Variants in CAMSAP1 observed in about 807,000 individuals in gnomAD.
The protein encoded by CAMSAP1 is calmodulin-regulated spectrin-associated protein 1.
Under a neutral mutation model 143.5 loss-of-function variants are expected in CAMSAP1, and 58 were observed. The ratio of observed to expected loss-of-function variants is 0.40; its 90% CI spans 0.33 to 0.50. The LOEUF is 0.50. CAMSAP1 is among the 20% of genes least tolerant of loss of function. CAMSAP1 has a pLI of 0.45. For synonymous variants in CAMSAP1, 945 were observed against 859.3 expected, an observed-to-expected ratio of 1.10 and a Z score of -1.74; for missense variants, 1,969 against 2,115.7, an observed-to-expected ratio of 0.93 and a Z score of 1.36.
rs1026339253 is a variant in CAMSAP1, at chr9:135,813,807, G to A, written c.4506+1290C>T. Among the ~76,000 whole-genome samples, 6 of 152,236 alleles carry A rather than the reference G, an allele frequency of 3.9e-5. No homozygotes were observed. In the South Asian group the frequency reaches 6.2e-4, roughly 16 times the overall value. ...GCGTCAGGCACACTGCTGCACACTG[G>A]GCAGGGAGTGTGCCTTGTGACCAGC... is the stretch of plus-strand genomic sequence containing the variant. On this transcript the variant is annotated intron_variant, in intron 16 of 16. Coordinates refer to ENST00000389532, the MANE Select transcript of CAMSAP1 (RefSeq NM_015447.4).
chr9:135,900,560 T>C (rs570330062), intron 1 of CAMSAP1, among the ~76,000 whole-genome samples: 1 of 151,506 alleles, frequency 6.6e-6, no homozygotes, highest in East Asian at 2.1e-4. Context: ...CCGGGCGTTG[T>C]GGCAAGCGCC....
intron 11 of CAMSAP1, 51 bp from the exon 12 acceptor site, chr9:135,819,197 G>A: frequency 1.3e-6 from 2 of 1,557,190 alleles, no homozygotes; most frequent in East Asian, 4.7e-5. Context: ...TCAGACGCCG[G>A]ACACGGCCGC....
chr9:135,884,014 C>G (rs781144287), intron 1 of CAMSAP1, among the ~76,000 whole-genome samples: 7 of 152,200 alleles, frequency 4.6e-5, no homozygotes, highest in Non-Finnish European at 7.3e-5. Context: ...CTCACACTGT[C>G]TCACAAGACA....
intron 3 of CAMSAP1, among the ~76,000 whole-genome samples, chr9:135,867,187 A>C (rs1377338406): frequency 6.6e-6 from 1 of 152,198 alleles, no homozygotes; most frequent in South Asian, 2.1e-4. Flanking sequence ...TCATCAAACA[A>C]CACAGACAAA....
chr9:135,901,176 A>T (rs1345702260), intron 1 of CAMSAP1, among the ~76,000 whole-genome samples: 1 of 152,256 alleles, frequency 6.6e-6, no homozygotes, highest in Non-Finnish European at 1.5e-5. Flanking sequence ...ATGGCAGTTC[A>T]GCTGACTGTA....
In CAMSAP1 at chr9:135,881,684, C is replaced by T. The variant is rs936708983; in HGVS notation, c.534G>A (p.Ser178=). ...CCTCGAGGTCGTACGGAAGTTCTTTCGAGGCACTGAACGTTGAGAAGCGCT... is the reference window on the plus strand; with the variant it reads ...CCTCGAGGTCGTACGGAAGTTCTTTTGAGGCACTGAACGTTGAGAAGCGCT... ...SVKRFSTFSA[S]KELPYDLEDA... The change falls in exon 3 of 17, where the codon TCG becomes TCA. Residue 178 remains serine (S), a synonymous_variant. Transcript: ENST00000389532. 17 of 1,551,666 alleles carry T rather than the reference C, an allele frequency of 1.1e-5. No individual in the cohort carries two copies. In the East Asian group the frequency reaches 1.2e-4, roughly 11 times the overall value.
chr9:135,821,305 C>T lies in CAMSAP1; in HGVS notation c.3356G>A (p.Arg1119Gln), dbSNP rs756147112. 8 of 1,612,324 alleles carry T rather than the reference C, an allele frequency of 5.0e-6. No individual in the cohort carries two copies. Among genetic ancestry groups the T allele is most frequent in the East Asian group, 2.2e-5 (1 of 44,884 alleles). Reference protein sequence around the residue: ...VPKDRPQGSSRSKTPTPSVET... With the variant: ...VPKDRPQGSSQSKTPTPSVET... ...TACACTGGGCGTTGGGGTTTTACTT[C>T]GGGAGGAGCCCTGTGGCCTGTCTTT... is the stretch of plus-strand genomic sequence containing the variant. The change falls in exon 11 of 17, where the codon CGA (arginine) becomes CAA (glutamine). Residue 1119 changes from arginine (R) to glutamine (Q), a missense_variant. By Grantham distance (43) the Arg-to-Gln change is conservative. This residue lies in a region of CAMSAP1 where 1,390 missense variants were observed against 1,420.8 expected (regional missense o/e 0.98). Transcript: ENST00000389532. This position sits in a 1 kb window ranked among gnomAD's most constrained non-coding sequence, Gnocchi z 4.6.
intron 4 of CAMSAP1, among the ~76,000 whole-genome samples, chr9:135,864,132 T>C (rs1279074585): frequency 6.6e-6 from 1 of 152,210 alleles, no homozygotes; most frequent in Non-Finnish European, 1.5e-5. Flanking sequence ...GTTAGGGTTA[T>C]GAACTATCTA....
chr9:135,856,375 T>A (rs964027125), intron 5 of CAMSAP1, among the ~76,000 whole-genome samples: 2 of 152,132 alleles, frequency 1.3e-5, no homozygotes, highest in African/African-American at 4.8e-5. Context: ...GAGAACAGTA[T>A]GGGGGAAACT....
At chr9:135,872,425 G>A (rs1375926693) in intron 3 of CAMSAP1, among the ~76,000 whole-genome samples, 1 of 151,812 alleles carries the variant, frequency 6.6e-6, no homozygotes, top group Admixed American at 6.6e-5. Flanking sequence ...GAGGATAAAA[G>A]GGAGTACTTA....
chr9:135,846,268 C>A (rs1836545152), intron 7 of CAMSAP1, among the ~76,000 whole-genome samples: 1 of 152,078 alleles, frequency 6.6e-6, no homozygotes, highest in Non-Finnish European at 1.5e-5. Context: ...CTGACAAAAA[C>A]AAGCAATGGG....
intron 3 of CAMSAP1, among the ~76,000 whole-genome samples, chr9:135,877,442 T>C (rs1049655417): frequency 7.0e-6 from 1 of 143,226 alleles, no homozygotes; most frequent in African/African-American, 2.6e-5. Flanking sequence ...TTATCAAAAC[T>C]CAAGGAAAAA....
intron 1 of CAMSAP1, among the ~76,000 whole-genome samples, chr9:135,901,549 A>C (rs1344173514): frequency 2.0e-5 from 3 of 152,172 alleles, no homozygotes; most frequent in African/African-American, 7.2e-5. Context: ...AAGGAGGTCA[A>C]GGCTGCAGTA....
At position 135,821,935 on chromosome 9, in the gene CAMSAP1, T is replaced by G. The variant is rs749171899; in HGVS notation, c.2726A>C (p.Lys909Thr). The part of the protein sequence containing the change: ...MEALSARQRL[K>T]LGKAAFLHVV... ...ATGCAGGAATGCAGCCTTGCCGAGC[T>G]TCAGGCGCTGCCTTGCCGACAGCGC... The change falls in exon 11 of 17, where the codon AAG becomes ACG. Residue 909 changes from lysine (K) to threonine (T), a missense_variant. Physicochemically the swap from Lys to Thr is moderately conservative, Grantham distance 78 (BLOSUM62 -1). Transcript: ENST00000389532. This position sits in a 1 kb window ranked among gnomAD's most constrained non-coding sequence, Gnocchi z 4.6. 3.1e-6 allele frequency: 5 copies of G among 1,612,988 alleles called. No individual in the cohort carries two copies. The highest frequency in any genetic ancestry group is 4.2e-6 in the Non-Finnish European group (5 of 1,179,576).
intron 1 of CAMSAP1, among the ~76,000 whole-genome samples, chr9:135,890,087 G>A (rs1352410063): frequency 6.6e-6 from 1 of 152,136 alleles, no homozygotes; most frequent in Non-Finnish European, 1.5e-5. Flanking sequence ...TGGACCCTGT[G>A]CTAGGCCAGT....
chr9:135,906,949 GGCCCCGGCCCGCGCCCCTGGCCCCC>G, intron 1 of CAMSAP1, 26 bp downstream of exon 1: 1 of 839,348 alleles, frequency 1.2e-6, no homozygotes, highest in Non-Finnish European at 1.4e-6. Context: ...CGCGTCCCCC[GGCCCCGGCCCGCGCCCCTGGCCCCC>G]GCCCCGCGCC....
chr9:135,886,799 G>A (rs1838137924), intron 1 of CAMSAP1, among the ~76,000 whole-genome samples: 1 of 152,264 alleles, frequency 6.6e-6, no homozygotes, highest in African/African-American at 2.4e-5. Flanking sequence ...GGCTGACACA[G>A]GCAGGCAGCC....
At chr9:135,823,875 G>T in intron 10 of CAMSAP1, 75 bp downstream of exon 10, 2 of 1,142,254 alleles carry the variant, frequency 1.8e-6, no homozygotes, top group Non-Finnish European at 1.3e-6. Flanking sequence ...TCAGGGGGTT[G>T]GGGTGACATC....
intron 1 of CAMSAP1, among the ~76,000 whole-genome samples, chr9:135,884,601 T>TA (rs1224529204): frequency 6.6e-6 from 1 of 152,216 alleles, no homozygotes. Flanking sequence ...AAGGCTGGCT[T>TA]AGTGGATGTT....
Sources: gnomAD v4.1 joint callset for allele counts (sites outside exome capture counted in the v4.1 genomes callset) on GRCh38, gnomAD v4.1.1 for gene constraint, gnomAD v4.1.1 regional missense constraint, Gnocchi (gnomAD v3.1) non-coding constraint, MANE v1.5 for transcripts, NCBI Gene and HGNC (gene_info 2026-07-23, HGNC 2026-07-21) for gene names.